EXT1: variants seen among roughly 807,000 people sequenced by gnomAD.
The protein encoded by EXT1 is exostosin-1.
A neutral mutation model predicts 82.5 loss-of-function variants in EXT1; 20 were observed. That is an observed-to-expected ratio of 0.24 (90% CI 0.17 to 0.35). The LOEUF (loss-of-function observed/expected upper bound fraction) is 0.35, where lower values mean the gene tolerates loss of function less well. Ranked by LOEUF, EXT1 falls within the 10% of genes least tolerant of loss-of-function variation. EXT1 has a pLI of 1.00. For synonymous variants in EXT1, 348 were observed against 350.8 expected, an observed-to-expected ratio of 0.99 and a Z score of 0.09; for missense variants, 757 against 936.5, an observed-to-expected ratio of 0.81 and a Z score of 2.50.
Position 118,063,385 on chromosome 8 carries a change from T to G in EXT1, c.962+46700A>C, listed in dbSNP as rs555672010. ...CTTTAACAAGGCTTGCAGTGTTCATTGAAAGCAGCTACTTATTTTTCCACC... is the reference window on the plus strand; with the variant it reads ...CTTTAACAAGGCTTGCAGTGTTCATGGAAAGCAGCTACTTATTTTTCCACC... On this transcript the variant is annotated intron_variant, in intron 1 of 10. Coordinates refer to ENST00000378204, the MANE Select transcript of EXT1 (RefSeq NM_000127.3). 1.2e-4 allele frequency among the ~76,000 whole-genome samples: 18 copies of G among 152,324 alleles called. No individual in the cohort carries two copies. In the South Asian group the frequency reaches 3.1e-3, roughly 26 times the overall value.
chr8:118,046,705 T>C (rs1487530995), intron 1 of EXT1, among the ~76,000 whole-genome samples: 3 of 152,218 alleles, frequency 2.0e-5, no homozygotes, highest in Non-Finnish European at 2.9e-5. Context: ...TGGAGGGTAG[T>C]GGTCTAGTTT....
At chr8:117,821,040 G>T (rs1266795316) in intron 5 of EXT1, among the ~76,000 whole-genome samples, 10 of 152,170 alleles carry the variant, frequency 6.6e-5, no homozygotes, top group Admixed American at 5.9e-4. Flanking sequence ...TTAGAGACAG[G>T]TTAAGAGCCT....
chr8:117,901,900 G>C (rs1198538587), intron 1 of EXT1, among the ~76,000 whole-genome samples: 1 of 152,064 alleles, frequency 6.6e-6, no homozygotes, highest in Non-Finnish European at 1.5e-5. Context: ...GTTTCGCCAT[G>C]TTATTCAGGC....
intron 1 of EXT1, among the ~76,000 whole-genome samples, chr8:118,082,908 G>C (rs72675806): frequency 2.0e-5 from 3 of 152,120 alleles, no homozygotes; most frequent in African/African-American, 7.2e-5. Flanking sequence ...AGTTTGGAGC[G>C]AGGGAAAGAA....
chr8:118,075,141 C>T (rs1817183427), intron 1 of EXT1, among the ~76,000 whole-genome samples: 1 of 152,236 alleles, frequency 6.6e-6, no homozygotes, highest in Non-Finnish European at 1.5e-5. Flanking sequence ...AATCCTGCTT[C>T]AACACTGCTC....
At chr8:118,040,544 C>A (rs2129901264) in intron 1 of EXT1, among the ~76,000 whole-genome samples, 1 of 152,324 alleles carries the variant, frequency 6.6e-6, no homozygotes, top group African/African-American at 2.4e-5. Flanking sequence ...ACCCATGCTA[C>A]AATTGCAACA....
intron 1 of EXT1, among the ~76,000 whole-genome samples, chr8:117,873,781 G>A (rs1224160401): frequency 6.6e-6 from 1 of 152,112 alleles, no homozygotes; most frequent in African/African-American, 2.4e-5. Context: ...GAGTTAAAGT[G>A]ACATCTAAAG....
At chr8:118,098,052 G>A (rs1817651920) in intron 1 of EXT1, among the ~76,000 whole-genome samples, 1 of 152,016 alleles carries the variant, frequency 6.6e-6, no homozygotes, top group Admixed American at 6.5e-5. Context: ...CCTGGGGCTG[G>A]GGATGAGAAG....
chr8:117,946,454 G>A (rs1814390184), intron 1 of EXT1, among the ~76,000 whole-genome samples: 3 of 152,278 alleles, frequency 2.0e-5, no homozygotes, highest in South Asian at 2.1e-4. Context: ...CATTTGTGGC[G>A]CCTAATCCCA....
intron 1 of EXT1, among the ~76,000 whole-genome samples, chr8:118,061,752 A>G (rs1816884865): frequency 6.6e-6 from 1 of 152,260 alleles, no homozygotes; most frequent in Non-Finnish European, 1.5e-5. Flanking sequence ...GCCAAATAAC[A>G]TTCCTAGATT....
chr8:117,919,859 A>C (rs1224335022), intron 1 of EXT1, among the ~76,000 whole-genome samples: 1 of 152,234 alleles, frequency 6.6e-6, no homozygotes, highest in East Asian at 1.9e-4. Flanking sequence ...ATATGAAATG[A>C]ATCAACTATA....
intron 1 of EXT1, among the ~76,000 whole-genome samples, chr8:117,960,250 T>C (rs993614995): frequency 3.9e-5 from 6 of 152,126 alleles, no homozygotes; most frequent in Admixed American, 2.0e-4. Flanking sequence ...ATAAAATAGA[T>C]ACCCAATAAA....
At chr8:117,964,653 G>A (rs916045465) in intron 1 of EXT1, among the ~76,000 whole-genome samples, 14 of 149,330 alleles carry the variant, frequency 9.4e-5, no homozygotes, top group Non-Finnish European at 1.9e-4. Context: ...TTGTTTGTTT[G>A]TTTTTTGTTT....
chr8:117,962,869 T>C (rs1365803659), intron 1 of EXT1, among the ~76,000 whole-genome samples: 3 of 151,096 alleles, frequency 2.0e-5, no homozygotes, highest in African/African-American at 7.3e-5. Flanking sequence ...AAGGCTGCAG[T>C]GGGCTGTAAT....
intron 1 of EXT1, among the ~76,000 whole-genome samples, chr8:117,953,190 C>T (rs1814522850): frequency 1.3e-5 from 2 of 152,000 alleles, no homozygotes; most frequent in Non-Finnish European, 2.9e-5. Context: ...GCCAACTATA[C>T]CAATTATATA....
chr8:117,895,893 A>G (rs1466300027), intron 1 of EXT1, among the ~76,000 whole-genome samples: 1 of 152,154 alleles, frequency 6.6e-6, no homozygotes, highest in Non-Finnish European at 1.5e-5. Context: ...TGCAAACTCA[A>G]ACTTCCAGCA....
chr8:118,074,934 A>G (rs6992023), intron 1 of EXT1, among the ~76,000 whole-genome samples: 23,646 of 152,014 alleles, frequency 0.16, 3,248 homozygotes, highest in African/African-American at 0.37. Flanking sequence ...GGGAGAGGAG[A>G]GCCGGCTGTG....
intron 1 of EXT1, among the ~76,000 whole-genome samples, chr8:117,954,002 G>A (rs1814542624): frequency 6.6e-6 from 1 of 152,202 alleles, no homozygotes; most frequent in Non-Finnish European, 1.5e-5. Context: ...TGCTTTATAT[G>A]TATTAACTCA....
chr8:118,034,758 A>C (rs1476705464), intron 1 of EXT1, among the ~76,000 whole-genome samples: 2 of 152,202 alleles, frequency 1.3e-5, no homozygotes, highest in Non-Finnish European at 2.9e-5. Flanking sequence ...GACGATGGCT[A>C]GGGACCACTC....
Sources: allele counts gnomAD v4.1 joint callset (sites outside exome capture counted in the v4.1 genomes callset), GRCh38; gene constraint gnomAD v4.1.1; transcripts MANE v1.5; gene names NCBI Gene and HGNC (gene_info 2026-07-23, HGNC 2026-07-21).